Variants in LRRC49 observed in about 807,000 individuals in gnomAD.
LRRC49 encodes the protein leucine-rich repeat-containing protein 49.
Under a neutral mutation model 83.3 loss-of-function variants are expected in LRRC49, and 50 were observed. The observed-to-expected ratio is 0.60, with a 90% CI of 0.48 to 0.76. LRRC49 has a LOEUF of 0.76. Ranked by LOEUF, LRRC49 falls within the 30% of genes least tolerant of loss-of-function variation. The pLI, the probability that LRRC49 is intolerant of heterozygous loss-of-function variation, is 0.00. For synonymous variants in LRRC49, 286 were observed against 283.3 expected (o/e 1.01, Z -0.10); for missense variants, 704 against 809.1 (o/e 0.87, Z 1.58).
At chr15:71,001,756 A>G (rs568428148) in intron 11 of LRRC49, among the ~76,000 whole-genome samples, 1 of 152,190 alleles carries the variant, frequency 6.6e-6, no homozygotes, top group Admixed American at 6.5e-5. Context: ...CAGTGGCACA[A>G]TCTCGGCTCA....
At position 70,880,541 on chromosome 15, in the gene LRRC49, T is replaced by C. The variant is rs1317913968; in HGVS notation, c.18+7318T>C. On this transcript the variant is annotated intron_variant, in intron 2 of 16. Transcript: ENST00000544974. ...CTAGCAACTAAATAAATTAAAAATA[T>C]TTGTGCAAAAATCAAACAATATAAT... is the stretch of plus-strand genomic sequence containing the variant. 2.0e-5 allele frequency among the ~76,000 whole-genome samples: 3 copies of C among 152,224 alleles called. No homozygotes were observed. In the South Asian group the frequency reaches 6.2e-4, roughly 31 times the overall value.
chr15:70,906,018 T>A (rs1263546661), intron 5 of LRRC49, among the ~76,000 whole-genome samples: 1 of 151,542 alleles, frequency 6.6e-6, no homozygotes. Flanking sequence ...GTAGGGTAGG[T>A]AGATCAGAGA....
At chr15:70,979,522 AT>A (rs2037325274) in intron 9 of LRRC49, among the ~76,000 whole-genome samples, 1 of 152,036 alleles carries the variant, frequency 6.6e-6, no homozygotes, top group Non-Finnish European at 1.5e-5. Context: ...ACAATACAAG[AT>A]TATTAACTAC....
At chr15:71,019,134 T>C (rs1342793144) in intron 14 of LRRC49, among the ~76,000 whole-genome samples, 1 of 152,078 alleles carries the variant, frequency 6.6e-6, no homozygotes, top group Non-Finnish European at 1.5e-5. Flanking sequence ...GAGACATCAT[T>C]ATGTAGGCAT....
intron 8 of LRRC49, among the ~76,000 whole-genome samples, chr15:70,944,697 G>A (rs370703718): frequency 3.3e-5 from 5 of 152,084 alleles, no homozygotes; most frequent in African/African-American, 9.7e-5. Flanking sequence ...GAGCCACTGC[G>A]CCCGGCCTAA....
intron 5 of LRRC49, among the ~76,000 whole-genome samples, 178 bp from the exon 6 acceptor site, chr15:70,911,354 T>C (rs2034542396): frequency 6.6e-6 from 1 of 152,184 alleles, no homozygotes; most frequent in South Asian, 2.1e-4. Flanking sequence ...TGAGTGGTAT[T>C]GCATTTTTTT....
intron 15 of LRRC49, among the ~76,000 whole-genome samples, chr15:71,039,862 A>G (rs1027242418): frequency 1.3e-5 from 2 of 152,234 alleles, no homozygotes; most frequent in African/African-American, 2.4e-5. Context: ...AGAGAATTCT[A>G]ATGATTTTAA....
At chr15:70,919,921 A>T (rs2034945101) in intron 7 of LRRC49, among the ~76,000 whole-genome samples, 1 of 152,188 alleles carries the variant, frequency 6.6e-6, no homozygotes, top group Non-Finnish European at 1.5e-5. Context: ...AACTTTGTCA[A>T]ATTTATGATT....
intron 14 of LRRC49, among the ~76,000 whole-genome samples, chr15:71,015,098 A>G (rs1391529064): frequency 1.3e-5 from 2 of 152,166 alleles, no homozygotes; most frequent in African/African-American, 4.8e-5. Context: ...ATAGCCAAAA[A>G]CTTATCTAGT....
intron 11 of LRRC49, among the ~76,000 whole-genome samples, chr15:70,992,777 G>T (rs1003672118): frequency 6.6e-6 from 1 of 152,224 alleles, no homozygotes; most frequent in Non-Finnish European, 1.5e-5. Context: ...GCTGTGTGAG[G>T]TGTCAGTCTG....
intron 11 of LRRC49, among the ~76,000 whole-genome samples, chr15:70,990,297 C>T (rs571043872): frequency 1.5e-4 from 23 of 152,348 alleles, no homozygotes; most frequent in East Asian, 3.9e-4. Context: ...TCAGTTGGAG[C>T]TTCCTGGCTG....
At chr15:71,033,228 A>G (rs1596164984) in intron 14 of LRRC49, among the ~76,000 whole-genome samples, 1 of 152,214 alleles carries the variant, frequency 6.6e-6, no homozygotes, top group Admixed American at 6.5e-5. Context: ...TTAGACGAGC[A>G]GAGACCCAAA....
At chr15:70,932,726 C>CTTTTTTTTTTTT (rs5813614) in intron 7 of LRRC49, among the ~76,000 whole-genome samples, 2 of 97,202 alleles carry the variant, frequency 2.1e-5, no homozygotes, top group Admixed American at 1.3e-4. Flanking sequence ...CTTTCTCTGT[C>CTTTTTTTTTTTT]TTTTTTTTTT....
chr15:70,986,595 C>T (rs1410971944), intron 11 of LRRC49, among the ~76,000 whole-genome samples: 2 of 151,922 alleles, frequency 1.3e-5, no homozygotes, highest in African/African-American at 2.4e-5. Flanking sequence ...GACAATTTGA[C>T]TTCCTCTTTT....
chr15:70,936,880 CT>C, intron 8 of LRRC49, 58 bp downstream of exon 8: 1 of 1,085,468 alleles, frequency 9.2e-7, no homozygotes, highest in Non-Finnish European at 1.4e-6. Context: ...AGTTCTAGTG[CT>C]TTAGATTAAG....
chr15:70,975,635 G>A (rs1410811671), intron 9 of LRRC49, among the ~76,000 whole-genome samples: 1 of 152,182 alleles, frequency 6.6e-6, no homozygotes, highest in Non-Finnish European at 1.5e-5. Flanking sequence ...CAAAGCTGCA[G>A]TGAGCCAAGA....
intron 8 of LRRC49, among the ~76,000 whole-genome samples, chr15:70,956,215 T>C (rs910077343): frequency 1.3e-5 from 2 of 152,202 alleles, no homozygotes; most frequent in Non-Finnish European, 2.9e-5. Context: ...TTTATTTCTT[T>C]CTCTGTATTT....
At chr15:70,971,037 G>C (rs967820504) in intron 9 of LRRC49, among the ~76,000 whole-genome samples, 10 of 150,940 alleles carry the variant, frequency 6.6e-5, no homozygotes, top group Non-Finnish European at 1.2e-4. Context: ...TTTTGAATTT[G>C]TTTGCTCTTG....
chr15:70,886,759 G>A (rs1427683677), intron 2 of LRRC49, among the ~76,000 whole-genome samples: 3 of 151,996 alleles, frequency 2.0e-5, no homozygotes, highest in East Asian at 1.9e-4. Context: ...CCAGCTACTC[G>A]GGAGGCTGAG....
Sources: gnomAD v4.1 joint callset for allele counts (sites outside exome capture counted in the v4.1 genomes callset) on GRCh38, gnomAD v4.1.1 for gene constraint, MANE v1.5 for transcripts, NCBI Gene and HGNC (gene_info 2026-07-23, HGNC 2026-07-21) for gene names.